The following HEPHL1 variants were observed in gnomAD, a reference collection of about 807,000 sequenced individuals.
HEPHL1 encodes the protein ferroxidase HEPHL1.
Under a neutral mutation model 122.0 loss-of-function variants are expected in HEPHL1, and 123 were observed. The observed-to-expected ratio is 1.01, with a 90% CI of 0.87 to 1.17. The LOEUF (loss-of-function observed/expected upper bound fraction) is 1.17. HEPHL1 is among the 50% of genes most tolerant of loss of function. The pLI, the probability that HEPHL1 is intolerant of heterozygous loss-of-function variation, is 0.00. For missense variants in HEPHL1, 1,452 were observed against 1,430.5 expected (o/e 1.01, Z -0.24); for synonymous variants, 527 against 508.9 (o/e 1.04, Z -0.48).
intron 17 of HEPHL1, among the ~76,000 whole-genome samples, chr11:94,108,550 C>G (rs1946425408): frequency 6.6e-6 from 1 of 151,884 alleles, no homozygotes; most frequent in South Asian, 2.1e-4. Context: ...ATTTAGGGCT[C>G]TGATACATTT....
At position 94,063,511 on chromosome 11, in the gene HEPHL1, C is replaced by G. The variant is rs1197508797; in HGVS notation, c.419C>G (p.Ala140Gly). ...TTTTAATTTTATTTTTTGGAAGGAG[C>G]CCTATACCCAGATGGAACATCTGGA... ...GVFYNKDSEG[A>G]LYPDGTSGRN... The change falls in exon 3 of 20, where the codon GCC becomes GGC. Residue 140 changes from alanine (A) to glycine (G), a missense_variant. Transcript: ENST00000315765. 6.3e-7 allele frequency: 1 copy of G among 1,599,214 alleles called. No homozygotes were observed. Among genetic ancestry groups the G allele is most frequent in the Admixed American group, 1.7e-5 (1 of 57,270 alleles).
rs772740526 is a variant in HEPHL1 at position 94,110,915 on chromosome 11, T to C, written c.3058T>C (p.Tyr1020His). 4 of 1,612,236 alleles carry C rather than the reference T, an allele frequency of 2.5e-6. No homozygotes were observed. Among genetic ancestry groups the C allele is most frequent in the East Asian group, 2.2e-5 (1 of 44,876 alleles). Reference sequence around the variant, plus strand: ...AACGTTTTTGCAGATAGATAAATCTTACCGAGAAGATGTGTATGATCTCTT... The same window carrying C: ...AACGTTTTTGCAGATAGATAAATCTCACCGAGAAGATGTGTATGATCTCTT... ...ESFLFKIDKS[Y>H]REDVYDLFPG... The change falls in exon 18 of 20, where the codon TAC becomes CAC. Residue 1020 changes from tyrosine (Y) to histidine (H), a missense_variant. Coordinates refer to ENST00000315765, the MANE Select transcript of HEPHL1 (RefSeq NM_001098672.2).
At chr11:94,028,152 T>C (rs147777655) in intron 1 of HEPHL1, among the ~76,000 whole-genome samples, 36 of 152,306 alleles carry the variant, frequency 2.4e-4, no homozygotes, top group Admixed American at 4.6e-4. Flanking sequence ...CTCTGGACAG[T>C]AGAGTTGGCA....
intron 2 of HEPHL1, chr11:94,055,671 G>A: frequency 2.6e-6 from 1 of 388,160 alleles, no homozygotes; most frequent in Non-Finnish European, 5.1e-6. Flanking sequence ...GAGGAAGCTG[G>A]CTAGTGACAG....
chr11:94,056,806 T>C (rs968106806), intron 2 of HEPHL1, among the ~76,000 whole-genome samples: 3 of 152,138 alleles, frequency 2.0e-5, no homozygotes, highest in African/African-American at 7.2e-5. Context: ...GGAAAATATA[T>C]TTATAGAACC....
At chr11:94,094,240 C>T (rs1333565384) in intron 13 of HEPHL1, among the ~76,000 whole-genome samples, 6 of 151,544 alleles carry the variant, frequency 4.0e-5, no homozygotes, top group Non-Finnish European at 7.4e-5. Flanking sequence ...TGAGTGAGAA[C>T]ATGTGGTGTT....
Position 94,110,916 on chromosome 11 carries a change from A to G in HEPHL1, c.3059A>G (p.Tyr1020Cys). 1 of 1,612,288 alleles carries G rather than the reference A, an allele frequency of 6.2e-7. No homozygotes were observed. The highest frequency in any genetic ancestry group is 1.1e-5 in the South Asian group (1 of 90,672). Residue 1020 changes from tyrosine to cysteine, a missense_variant, in exon 18 of 20, where the codon TAC becomes TGC. Transcript: ENST00000315765. ...ACGTTTTTGCAGATAGATAAATCTTACCGAGAAGATGTGTATGATCTCTTT... is the reference window on the plus strand; with the variant it reads ...ACGTTTTTGCAGATAGATAAATCTTGCCGAGAAGATGTGTATGATCTCTTT... ...ESFLFKIDKS[Y>C]REDVYDLFPG...
intron 10 of HEPHL1, among the ~76,000 whole-genome samples, chr11:94,085,649 C>CCACA: frequency 6.6e-6 from 1 of 152,206 alleles, no homozygotes; most frequent in Non-Finnish European, 1.5e-5. Flanking sequence ...AGGAAAATAA[C>CCACA]CACAAAAGAA....
rs1164931903 is a variant in HEPHL1 at position 94,064,517 on chromosome 11, A to G, written c.808+7A>G. 3.7e-6 allele frequency: 6 copies of G among 1,603,112 alleles called. No homozygotes were observed. The highest frequency in any genetic ancestry group is 5.1e-6 in the Non-Finnish European group (6 of 1,171,428). On this transcript the variant is annotated splice_region_variant and intron_variant, in intron 4 of 19. Coordinates refer to ENST00000315765, the MANE Select transcript of HEPHL1 (RefSeq NM_001098672.2). ...AGGAGTAACAAAATGCATGGTGAGT[A>G]CCTCCCATGTTCCCAAACGTATACC...
chr11:94,105,863 T>C (rs2134454007), intron 16 of HEPHL1, 128 bp from the exon 17 acceptor site: 1 of 545,648 alleles, frequency 1.8e-6, no homozygotes, highest in South Asian at 4.3e-5. Context: ...CTGCTAGGGG[T>C]GAGTGAGATT....
intron 1 of HEPHL1, among the ~76,000 whole-genome samples, chr11:94,035,895 C>T (rs1389358138): frequency 2.0e-5 from 3 of 152,154 alleles, no homozygotes; most frequent in Non-Finnish European, 4.4e-5. Context: ...CGTTACCACG[C>T]CCGGCTAATT....
intron 1 of HEPHL1, among the ~76,000 whole-genome samples, chr11:94,036,494 A>G (rs1292555238): frequency 6.6e-6 from 1 of 152,158 alleles, no homozygotes; most frequent in Non-Finnish European, 1.5e-5. Flanking sequence ...GTCATCTCAC[A>G]ACTTTTCAGG....
chr11:94,028,718 G>A (rs1429966238), intron 1 of HEPHL1, among the ~76,000 whole-genome samples: 2 of 152,184 alleles, frequency 1.3e-5, no homozygotes, highest in Non-Finnish European at 2.9e-5. Flanking sequence ...ATGGCTACGT[G>A]ATAAACAACA....
intron 14 of HEPHL1, 26 bp from the exon 15 acceptor site, chr11:94,102,888 A>C (rs1946378694): frequency 8.8e-7 from 1 of 1,142,106 alleles, no homozygotes; most frequent in Admixed American, 1.7e-5. Flanking sequence ...AATTCTAATA[A>C]ATTTTTTCCA....
At chr11:94,035,283 T>A (rs1421632496) in intron 1 of HEPHL1, among the ~76,000 whole-genome samples, 3 of 152,250 alleles carry the variant, frequency 2.0e-5, no homozygotes, top group African/African-American at 7.2e-5. Context: ...CAGGTAACAA[T>A]GGCTTTGTTC....
At position 94,085,477 on chromosome 11, in the gene HEPHL1, C is replaced by T. The variant is rs184737788; in HGVS notation, c.1868-500C>T. On this transcript the variant is annotated intron_variant, in intron 10 of 19. Coordinates refer to ENST00000315765, the MANE Select transcript of HEPHL1 (RefSeq NM_001098672.2). ...CTAACTGCATATGCACATATACTGT[C>T]AATTGATTTAAAAATCTTTCAAATA... Among the ~76,000 whole-genome samples the T allele has an allele frequency of 7.1e-3, 1,079 of 152,268 alleles. 10 individuals are homozygous for T. Among genetic ancestry groups the T allele is most frequent in the South Asian group, 8.7e-3 (42 of 4,828 alleles).
At position 94,035,981 on chromosome 11, in the gene HEPHL1, C is replaced by T. The variant is rs537675645; in HGVS notation, c.171-9692C>T. Among the ~76,000 whole-genome samples the T allele has an allele frequency of 6.6e-3, 1,005 of 152,328 alleles. 7 individuals carry two copies. Among genetic ancestry groups the T allele is most frequent in the African/African-American group, 0.023 (964 of 41,572 alleles). On this transcript the variant is annotated intron_variant, in intron 1 of 19. Transcript: ENST00000315765. ...TCGATCTCCTGACCTCGTGATCCGC[C>T]CGCCTCGGCCTCCCAAAGTGCTGGG...
At chr11:94,093,404 G>T (rs1946277988) in intron 12 of HEPHL1, 97 bp from the exon 13 acceptor site, 20 of 1,381,696 alleles carry the variant, frequency 1.4e-5, no homozygotes, top group Non-Finnish European at 1.9e-5. Context: ...AGCCAGGTTT[G>T]GGGAGCACTT....
At chr11:94,095,089 G>C (rs1306612826) in intron 13 of HEPHL1, among the ~76,000 whole-genome samples, 1 of 152,164 alleles carries the variant, frequency 6.6e-6, no homozygotes, top group Non-Finnish European at 1.5e-5. Flanking sequence ...GTCCTGAGTA[G>C]TATTGCCTAG....
Sources: allele counts gnomAD v4.1 joint callset (sites outside exome capture counted in the v4.1 genomes callset), GRCh38; gene constraint gnomAD v4.1.1; transcripts MANE v1.5; gene names NCBI Gene and HGNC (gene_info 2026-07-23, HGNC 2026-07-21).